POU2F1: variants seen among roughly 807,000 people sequenced by gnomAD.
POU2F1 encodes POU domain, class 2, transcription factor 1.
POU2F1 carries 16 observed loss-of-function variants against 84.9 expected under a neutral mutation model. The observed-to-expected ratio is 0.19, with a 90% CI of 0.13 to 0.29. The LOEUF is 0.29. POU2F1 is among the 10% of genes least tolerant of loss of function. POU2F1 has a pLI of 1.00. For missense variants in POU2F1, 738 were observed against 942.6 expected, an observed-to-expected ratio of 0.78 and a Z score of 2.84; for synonymous variants, 368 against 368.3, an observed-to-expected ratio of 1.00 and a Z score of 0.01.
chr1:167,372,041 G>C lies in POU2F1; in HGVS notation c.402+5G>C, dbSNP rs1241867587. 6.2e-7 allele frequency: 1 copy of C among 1,608,328 alleles called. No individual in the cohort carries two copies. Among genetic ancestry groups the C allele is most frequent in the Admixed American group, 1.7e-5 (1 of 58,680 alleles). On this transcript the variant is annotated splice_donor_5th_base_variant and intron_variant, in intron 5 of 15. Transcript: ENST00000367866. Reference sequence around the variant, plus strand: ...GCTGGAGGACAGATAACTGGGGTAAGTGTTCACTGAGAGAATTATAACAAA... The same window carrying C: ...GCTGGAGGACAGATAACTGGGGTAACTGTTCACTGAGAGAATTATAACAAA...
intron 1 of POU2F1, among the ~76,000 whole-genome samples, chr1:167,317,727 C>T (rs532773759): frequency 6.6e-6 from 1 of 152,270 alleles, no homozygotes; most frequent in African/African-American, 2.4e-5. Context: ...TCCGGTAAAC[C>T]AACAACCTTC....
intron 1 of POU2F1, among the ~76,000 whole-genome samples, chr1:167,288,759 T>C (rs1448413816): frequency 6.6e-6 from 1 of 152,240 alleles, no homozygotes; most frequent in Non-Finnish European, 1.5e-5. Flanking sequence ...AATTTAGATA[T>C]TAACTGACCT....
Position 167,412,019 on chromosome 1 carries a change from C to T in POU2F1, c.1616C>T (p.Ser539Phe), listed in dbSNP as rs781386565. Residue 539 changes from serine (S) to phenylalanine (F), a missense_variant, in exon 14 of 16, where the codon TCC becomes TTC. Physicochemically the swap from Ser to Phe is radical, Grantham distance 155 (BLOSUM62 -2). Around this residue, in one of 4 missense-constraint regions of POU2F1, gnomAD observed 319 missense variants for 386.0 expected, o/e 0.83. Transcript: ENST00000367866. ...ATVISTAPPASSAVTSPSLSP... is the reference protein window; with the variant it reads ...ATVISTAPPAFSAVTSPSLSP... Reference sequence around the variant, plus strand: ...GTGATTTCCACAGCGCCTCCAGCTTCCTCAGCAGTCACGTCCCCCTCTCTG... The same window carrying T: ...GTGATTTCCACAGCGCCTCCAGCTTTCTCAGCAGTCACGTCCCCCTCTCTG... The T allele has an allele frequency of 6.2e-7, 1 of 1,614,062 alleles. No homozygotes were observed. The highest frequency in any genetic ancestry group is 8.5e-7 in the Non-Finnish European group (1 of 1,180,038).
intron 7 of POU2F1, 74 bp downstream of exon 7, chr1:167,376,229 A>G (rs547374741): frequency 1.1e-5 from 16 of 1,463,042 alleles, no homozygotes; most frequent in African/African-American, 8.6e-5. Flanking sequence ...ATGAACTACT[A>G]TCATTTTGGC....
chr1:167,413,667 A>T (rs972619120), intron 15 of POU2F1, among the ~76,000 whole-genome samples: 6 of 152,152 alleles, frequency 3.9e-5, no homozygotes, highest in African/African-American at 1.4e-4. Flanking sequence ...TTGGATTATA[A>T]TGTCTCTTTT....
At chr1:167,371,518 C>G (rs1293351615) in intron 4 of POU2F1, among the ~76,000 whole-genome samples, 3 of 152,114 alleles carry the variant, frequency 2.0e-5, no homozygotes, top group Non-Finnish European at 4.4e-5. Context: ...AGTGATCATT[C>G]TCTGAGATGG....
intron 1 of POU2F1, among the ~76,000 whole-genome samples, chr1:167,273,096 G>A (rs1337974032): frequency 2.6e-5 from 4 of 152,166 alleles, no homozygotes; most frequent in African/African-American, 4.8e-5. Context: ...AACCCAGCAG[G>A]GCAGTCATTA....
chr1:167,405,429 G>A (rs1013168715), intron 13 of POU2F1, among the ~76,000 whole-genome samples: 2 of 151,396 alleles, frequency 1.3e-5, no homozygotes, highest in Non-Finnish European at 2.9e-5. Context: ...TATAATCCCA[G>A]CACTTTGGTA....
chr1:167,289,738 C>G (rs1653785255), intron 1 of POU2F1, among the ~76,000 whole-genome samples: 1 of 152,060 alleles, frequency 6.6e-6, no homozygotes, highest in Non-Finnish European at 1.5e-5. Context: ...AACTTTTACT[C>G]TGTTCTATAT....
chr1:167,280,969 A>G (rs190195099), intron 1 of POU2F1, among the ~76,000 whole-genome samples: 26 of 152,306 alleles, frequency 1.7e-4, no homozygotes, highest in East Asian at 1.9e-4. Flanking sequence ...CATATTTTCA[A>G]TGTCATTCAT....
chr1:167,232,414 G>T (rs563900975), intron 1 of POU2F1, among the ~76,000 whole-genome samples: 2 of 152,136 alleles, frequency 1.3e-5, no homozygotes, highest in South Asian at 2.1e-4. Context: ...CATTTAAAAG[G>T]TAAAAATTTA....
intron 2 of POU2F1, among the ~76,000 whole-genome samples, chr1:167,342,724 T>G (rs1657939723): frequency 6.6e-6 from 1 of 152,216 alleles, no homozygotes; most frequent in South Asian, 2.1e-4. Context: ...CACTTAAGGA[T>G]TATTTTCCTT....
At position 167,365,501 on chromosome 1, in the gene POU2F1, G is replaced by T. The variant is rs754783445; in HGVS notation, c.162G>T (p.Gln54His). Residue 54 changes from glutamine to histidine, a missense_variant, in exon 3 of 16, where the codon CAG becomes CAT. Coordinates refer to ENST00000367866, the MANE Select transcript of POU2F1 (RefSeq NM_002697.4). ...TQTNGLDFQK[Q>H]PVPVGGAIST... ...CCAATGGTCTGGACTTTCAGAAGCA[G>T]CCTGTGCCTGTAGGAGGAGCAATCT... 1 of 1,603,064 alleles carries T rather than the reference G, an allele frequency of 6.2e-7. No homozygotes were observed. Among genetic ancestry groups the T allele is most frequent in the African/African-American group, 1.3e-5 (1 of 74,314 alleles).
intron 2 of POU2F1, among the ~76,000 whole-genome samples, chr1:167,341,233 T>TA (rs1657826783): frequency 6.6e-6 from 1 of 152,176 alleles, no homozygotes; most frequent in Non-Finnish European, 1.5e-5. Context: ...TTTGAAAACT[T>TA]ACCATTGGCT....
At chr1:167,264,645 C>T (rs1419944718) in intron 1 of POU2F1, among the ~76,000 whole-genome samples, 1 of 152,116 alleles carries the variant, frequency 6.6e-6, no homozygotes, top group African/African-American at 2.4e-5. Flanking sequence ...CAGTCTCCAC[C>T]CTGGTATAAA....
chr1:167,317,797 C>T (rs1402114866), intron 1 of POU2F1, among the ~76,000 whole-genome samples: 2 of 152,160 alleles, frequency 1.3e-5, no homozygotes, highest in Non-Finnish European at 2.9e-5. Flanking sequence ...TTGTTGATGG[C>T]CATTTTGGGA....
intron 2 of POU2F1, 78 bp downstream of exon 2, chr1:167,332,613 G>A: frequency 8.2e-7 from 1 of 1,217,634 alleles, no homozygotes; most frequent in Non-Finnish European, 1.2e-6. Context: ...ACTAGGACTT[G>A]TATTTGGCAA....
At chr1:167,250,378 T>C (rs994081008) in intron 1 of POU2F1, among the ~76,000 whole-genome samples, 3 of 152,210 alleles carry the variant, frequency 2.0e-5, no homozygotes, top group Non-Finnish European at 4.4e-5. Context: ...TGCTTTTTGT[T>C]TTAATTTTAT....
chr1:167,323,559 G>A (rs1656473181), intron 1 of POU2F1, among the ~76,000 whole-genome samples: 3 of 152,168 alleles, frequency 2.0e-5, no homozygotes, highest in African/African-American at 7.2e-5. Flanking sequence ...TGCACTATCT[G>A]ATTCCCTATA....
Sources: allele counts gnomAD v4.1 joint callset (sites outside exome capture counted in the v4.1 genomes callset), GRCh38; gene constraint gnomAD v4.1.1; regional missense constraint gnomAD v4.1.1; transcripts MANE v1.5; gene names NCBI Gene and HGNC (gene_info 2026-07-23, HGNC 2026-07-21).